RGL1: variants seen among roughly 807,000 people sequenced by gnomAD.
The protein encoded by RGL1 is ral guanine nucleotide dissociation stimulator-like 1.
RGL1 carries 24 observed loss-of-function variants against 95.2 expected under a neutral mutation model. That is an observed-to-expected ratio of 0.25 (90% CI 0.18 to 0.35). The LOEUF (loss-of-function observed/expected upper bound fraction) is 0.35. Ranked by LOEUF, RGL1 falls within the 10% of genes least tolerant of loss-of-function variation. RGL1 has a pLI of 1.00. For synonymous variants in RGL1, 329 were observed against 344.9 expected, an observed-to-expected ratio of 0.95 and a Z score of 0.51; for missense variants, 715 against 936.3, an observed-to-expected ratio of 0.76 and a Z score of 3.08.
intron 1 of RGL1, among the ~76,000 whole-genome samples, chr1:183,663,454 A>G (rs1422965252): frequency 6.6e-6 from 1 of 150,788 alleles, no homozygotes; most frequent in Non-Finnish European, 1.5e-5. Flanking sequence ...CAAAAAACAC[A>G]TGAAAAAATG....
intron 1 of RGL1, among the ~76,000 whole-genome samples, chr1:183,669,966 G>A (rs928801026): frequency 6.6e-6 from 1 of 152,138 alleles, no homozygotes; most frequent in Non-Finnish European, 1.5e-5. Flanking sequence ...ACCTCTCACC[G>A]GGTCCCTCTT....
chr1:183,768,896 T>G (rs1353768805), intron 2 of RGL1, among the ~76,000 whole-genome samples: 1 of 152,230 alleles, frequency 6.6e-6, no homozygotes, highest in African/African-American at 2.4e-5. Context: ...GCAAGAATCC[T>G]GAACTGTCAT....
chr1:183,768,461 C>CTTTTTTTTT (rs71130639), intron 2 of RGL1, among the ~76,000 whole-genome samples: 9 of 83,848 alleles, frequency 1.1e-4, no homozygotes, highest in Admixed American at 1.8e-4. Flanking sequence ...CTTTAGATAA[C>CTTTTTTTTT]TTTTTTTTTT....
intron 2 of RGL1, among the ~76,000 whole-genome samples, chr1:183,789,806 G>A (rs1660356934): frequency 6.6e-6 from 1 of 151,806 alleles, no homozygotes; most frequent in African/African-American, 2.4e-5. Flanking sequence ...GACAGGTATG[G>A]CAGCTTTGTT....
In RGL1 at chr1:183,862,630, A is replaced by C. The variant is rs113063270; in HGVS notation, c.348-3366A>C. On this transcript the variant is annotated intron_variant, in intron 3 of 17. Transcript: ENST00000360851. ...AAAACTTTTATGCTCCTAAGCCCTT[A>C]GAAGTGAGGGCTTGATACTTGTAGA... Among the ~76,000 whole-genome samples, 320 of 152,352 alleles carry C rather than the reference A, an allele frequency of 2.1e-3. 1 individual carries two copies. The highest frequency in any genetic ancestry group is 7.5e-3 in the African/African-American group (310 of 41,590).
intron 2 of RGL1, among the ~76,000 whole-genome samples, chr1:183,742,508 A>G (rs1657373816): frequency 6.6e-6 from 1 of 152,222 alleles, no homozygotes; most frequent in African/African-American, 2.4e-5. Context: ...ACTGAAAGCC[A>G]GCGCTTAAAA....
At chr1:183,658,707 T>C (rs1651377531) in intron 1 of RGL1, among the ~76,000 whole-genome samples, 1 of 152,088 alleles carries the variant, frequency 6.6e-6, no homozygotes, top group Admixed American at 6.5e-5. Flanking sequence ...AAGAGAGCAG[T>C]GGTTCTCCCA....
At chr1:183,879,491 T>C (rs1334163427) in intron 4 of RGL1, among the ~76,000 whole-genome samples, 3 of 152,268 alleles carry the variant, frequency 2.0e-5, no homozygotes, top group African/African-American at 4.8e-5. Context: ...TAAAATGTGC[T>C]AAAAAATTCT....
chr1:183,820,108 G>C (rs949908984), intron 2 of RGL1, among the ~76,000 whole-genome samples: 4 of 151,870 alleles, frequency 2.6e-5, no homozygotes, highest in African/African-American at 9.7e-5. Context: ...GTTTCGTTTT[G>C]ATTTAAAGAA....
rs1239933443 is a variant in RGL1, at chr1:183,919,599, C to A, written c.2005-2623C>A. Among the ~76,000 whole-genome samples the A allele has an allele frequency of 3.3e-5, 5 of 152,198 alleles. No homozygotes were observed. The East Asian group carries it at 9.6e-4, about 29-fold the overall frequency. ...CAAGAGCAACTAATGTCCCTGGAAT[C>A]CAAGGCCCTTCCATAGAAGAAGAGA... On this transcript the variant is annotated intron_variant, in intron 16 of 17. Coordinates refer to ENST00000360851, the MANE Select transcript of RGL1 (RefSeq NM_001297671.3).
chr1:183,849,490 T>TG (rs1207900679), intron 3 of RGL1, among the ~76,000 whole-genome samples: 3 of 136,182 alleles, frequency 2.2e-5, no homozygotes, highest in African/African-American at 8.2e-5. Context: ...TTAGTTTTTT[T>TG]TTTTTTTTTT....
chr1:183,668,729 C>G (rs1652218067), intron 1 of RGL1, among the ~76,000 whole-genome samples: 1 of 151,942 alleles, frequency 6.6e-6, no homozygotes, highest in Non-Finnish European at 1.5e-5. Context: ...CTTCCTAGAT[C>G]TGTGGATTGG....
At chr1:183,671,210 G>T (rs779209582) in intron 1 of RGL1, among the ~76,000 whole-genome samples, 1 of 151,860 alleles carries the variant, frequency 6.6e-6, no homozygotes, top group African/African-American at 2.4e-5. Flanking sequence ...CCCTTGACAT[G>T]TAGAAATTAT....
chr1:183,910,401 G>A (rs1243369684), intron 14 of RGL1, among the ~76,000 whole-genome samples: 1 of 152,138 alleles, frequency 6.6e-6, no homozygotes, highest in East Asian at 1.9e-4. Flanking sequence ...CTGGCCCCCT[G>A]TTGATTTTAA....
chr1:183,899,237 T>A (rs1558281313), intron 10 of RGL1, among the ~76,000 whole-genome samples: 1 of 152,234 alleles, frequency 6.6e-6, no homozygotes, highest in Admixed American at 6.5e-5. Context: ...GGCATAATAC[T>A]ATTAACTAAA....
intron 2 of RGL1, among the ~76,000 whole-genome samples, chr1:183,843,954 A>G (rs2102526090): frequency 6.6e-6 from 1 of 152,230 alleles, no homozygotes; most frequent in East Asian, 1.9e-4. Flanking sequence ...CAGCTTCCTG[A>G]GTAGCTGAGA....
At chr1:183,923,145 G>A (rs1247196988) in intron 17 of RGL1, among the ~76,000 whole-genome samples, 3 of 152,074 alleles carry the variant, frequency 2.0e-5, no homozygotes, top group Non-Finnish European at 2.9e-5. Context: ...CCTTTCTGCC[G>A]CCAGACCCCA....
At chr1:183,838,700 A>G (rs1024134896) in intron 2 of RGL1, among the ~76,000 whole-genome samples, 2 of 152,258 alleles carry the variant, frequency 1.3e-5, no homozygotes, top group African/African-American at 4.8e-5. Context: ...GAACGTACAC[A>G]GAAAGAAAAT....
chr1:183,887,519 T>C (rs1667188520), intron 7 of RGL1, among the ~76,000 whole-genome samples: 2 of 152,158 alleles, frequency 1.3e-5, no homozygotes, highest in Non-Finnish European at 2.9e-5. Context: ...GTGTACTCAC[T>C]TGTAAACACT....
Sources: allele counts gnomAD v4.1 joint callset (sites outside exome capture counted in the v4.1 genomes callset), GRCh38; gene constraint gnomAD v4.1.1; transcripts MANE v1.5; gene names NCBI Gene and HGNC (gene_info 2026-07-23, HGNC 2026-07-21).